Variants in NDST4 observed in about 807,000 individuals in gnomAD.
NDST4 encodes the protein N-heparan sulfate sulfotransferase 4.
NDST4 carries 63 observed loss-of-function variants against 100.8 expected under a neutral mutation model. The ratio of observed to expected loss-of-function variants is 0.62; its 90% CI spans 0.51 to 0.77. The LOEUF (loss-of-function observed/expected upper bound fraction) is 0.77, where lower values mean the gene tolerates loss of function less well. NDST4 is among the 30% of genes least tolerant of loss of function. The probability of loss-of-function intolerance (pLI) is 0.00; values close to 1 mark genes in which losing one functional copy is unlikely to be tolerated. For missense variants in NDST4, 943 were observed against 1,018.4 expected (o/e 0.93, Z 1.01); for synonymous variants, 377 against 361.8 (o/e 1.04, Z -0.48).
intron 2 of NDST4, among the ~76,000 whole-genome samples, chr4:115,016,571 C>A (rs1455287176): frequency 1.3e-5 from 2 of 152,068 alleles, no homozygotes; most frequent in Non-Finnish European, 2.9e-5. Flanking sequence ...CTTTGGCTTT[C>A]TAATGCCTCT....
At chr4:114,958,898 T>C (rs1470413822) in intron 4 of NDST4, among the ~76,000 whole-genome samples, 1 of 152,182 alleles carries the variant, frequency 6.6e-6, no homozygotes. Flanking sequence ...CATATCTTTG[T>C]GAATGAATAA....
intron 4 of NDST4, among the ~76,000 whole-genome samples, chr4:114,944,262 G>A (rs1725813265): frequency 6.6e-6 from 1 of 152,088 alleles, no homozygotes; most frequent in Non-Finnish European, 1.5e-5. Context: ...AGAGTGAAGT[G>A]GATATTTATT....
chr4:115,005,183 C>T (rs1209463611), intron 2 of NDST4, among the ~76,000 whole-genome samples: 1 of 152,008 alleles, frequency 6.6e-6, no homozygotes, highest in Non-Finnish European at 1.5e-5. Flanking sequence ...TCACTTTTTT[C>T]CAGGCACTGG....
At chr4:114,945,208 C>CAAAAAAAAAAAAA (rs1173970826) in intron 4 of NDST4, among the ~76,000 whole-genome samples, 2 of 53,760 alleles carry the variant, frequency 3.7e-5, no homozygotes, top group African/African-American at 1.3e-4. Context: ...AACTCCGTCT[C>CAAAAAAAAAAAAA]AAAAAAAAAA....
intron 2 of NDST4, among the ~76,000 whole-genome samples, chr4:115,033,360 C>T (rs896042556): frequency 6.6e-6 from 1 of 151,350 alleles, no homozygotes; most frequent in Non-Finnish European, 1.5e-5. Context: ...AAGTGATCTG[C>T]CCACCTCCAC....
At chr4:114,924,638 T>C (rs2126220470) in intron 6 of NDST4, among the ~76,000 whole-genome samples, 1 of 152,210 alleles carries the variant, frequency 6.6e-6, no homozygotes, top group African/African-American at 2.4e-5. Flanking sequence ...GATTTCACTC[T>C]AGTAGAAAAG....
At chr4:114,905,474 A>T (rs56261812) in intron 6 of NDST4, among the ~76,000 whole-genome samples, 1,618 of 152,050 alleles carry the variant, frequency 0.011, 28 homozygotes, top group African/African-American at 0.036. Context: ...TTCTGTTTTT[A>T]AAAAAATTTA....
At chr4:114,964,501 A>G (rs7689538) in intron 4 of NDST4, among the ~76,000 whole-genome samples, 1,821 of 152,350 alleles carry the variant, frequency 0.012, 39 homozygotes, top group African/African-American at 0.04. Context: ...TCAATTACTG[A>G]AGTAATTTAC....
At chr4:114,887,787 T>G (rs946996317) in intron 6 of NDST4, among the ~76,000 whole-genome samples, 1 of 152,174 alleles carries the variant, frequency 6.6e-6, no homozygotes, top group East Asian at 1.9e-4. Context: ...TTTAGACTAC[T>G]GGTAAGCAGG....
At chr4:114,920,792 A>G (rs1307155560) in intron 6 of NDST4, among the ~76,000 whole-genome samples, 2 of 152,152 alleles carry the variant, frequency 1.3e-5, no homozygotes, top group Non-Finnish European at 2.9e-5. Flanking sequence ...TTCAATGGAG[A>G]CAGATCTGTA....
At chr4:114,970,865 A>G (rs182165689) in intron 3 of NDST4, among the ~76,000 whole-genome samples, 4 of 152,296 alleles carry the variant, frequency 2.6e-5, no homozygotes, top group South Asian at 2.1e-4. Flanking sequence ...ATACCCTTAT[A>G]TGTATTTTAT....
chr4:115,035,239 A>G (rs1728208049), intron 2 of NDST4, among the ~76,000 whole-genome samples: 2 of 152,178 alleles, frequency 1.3e-5, no homozygotes, highest in Non-Finnish European at 2.9e-5. Context: ...TCCGGTAGAA[A>G]CAAGATTGGT....
intron 4 of NDST4, among the ~76,000 whole-genome samples, chr4:114,951,447 CT>C: frequency 6.6e-6 from 1 of 152,138 alleles, no homozygotes; most frequent in Admixed American, 6.6e-5. Context: ...TCATCAACCT[CT>C]TATTTCAAAA....
At chr4:114,851,512 A>G (rs760310192) in intron 8 of NDST4, among the ~76,000 whole-genome samples, 3 of 152,206 alleles carry the variant, frequency 2.0e-5, no homozygotes, top group Non-Finnish European at 4.4e-5. Context: ...AAGAAAGAAA[A>G]ATAGATTTAT....
At chr4:115,050,778 T>C in intron 2 of NDST4, among the ~76,000 whole-genome samples, 1 of 152,106 alleles carries the variant, frequency 6.6e-6, no homozygotes, top group Admixed American at 6.6e-5. Flanking sequence ...AAAAGAGCAA[T>C]TATTAGTTAC....
At chr4:114,835,092 G>T (rs1307393409) in intron 11 of NDST4, among the ~76,000 whole-genome samples, 1 of 152,008 alleles carries the variant, frequency 6.6e-6, no homozygotes, top group East Asian at 1.9e-4. Flanking sequence ...TTTTTGAAAG[G>T]TTTTTCATGT....
chr4:114,872,616 T>A (rs1003666161), intron 6 of NDST4, among the ~76,000 whole-genome samples: 1 of 151,982 alleles, frequency 6.6e-6, no homozygotes. Context: ...TTAGATAAAA[T>A]CTTACCTAAA....
chr4:114,897,196 AG>A (rs1724734148), intron 6 of NDST4, among the ~76,000 whole-genome samples: 1 of 152,134 alleles, frequency 6.6e-6, no homozygotes, highest in South Asian at 2.1e-4. Flanking sequence ...TATACATAAT[AG>A]TTCTGGAGCC....
chr4:115,023,615 G>A (rs559784781), intron 2 of NDST4, among the ~76,000 whole-genome samples: 1 of 152,048 alleles, frequency 6.6e-6, no homozygotes, highest in South Asian at 2.1e-4. Context: ...ATTAAAGATG[G>A]AATTTTTAAT....
Sources: allele counts gnomAD v4.1 joint callset (sites outside exome capture counted in the v4.1 genomes callset), GRCh38; gene constraint gnomAD v4.1.1; transcripts MANE v1.5; gene names NCBI Gene and HGNC (gene_info 2026-07-23, HGNC 2026-07-21).